The following RBMS3 variants were observed in gnomAD, a reference collection of about 807,000 sequenced individuals.
RBMS3 encodes the protein RNA-binding motif, single-stranded-interacting protein 3.
Under a neutral mutation model 66.8 loss-of-function variants are expected in RBMS3, and 27 were observed. That is an observed-to-expected ratio of 0.40 (90% CI 0.30 to 0.56). The LOEUF is 0.56. Among genes scored for constraint, RBMS3 ranks in the 20% least tolerant of loss-of-function variants. RBMS3 has a pLI of 0.40. For missense variants in RBMS3, 513 were observed against 549.5 expected (o/e 0.93, Z 0.66); for synonymous variants, 188 against 183.0 (o/e 1.03, Z -0.22).
At chr3:29,815,580 T>C (rs1160587586) in intron 6 of RBMS3, among the ~76,000 whole-genome samples, 1 of 152,124 alleles carries the variant, frequency 6.6e-6, no homozygotes, top group Admixed American at 6.6e-5. Context: ...GTGGTATATA[T>C]ACACCATGGA....
intron 1 of RBMS3, among the ~76,000 whole-genome samples, chr3:29,408,166 G>T (rs2040106880): frequency 6.6e-6 from 1 of 151,120 alleles, no homozygotes; most frequent in Non-Finnish European, 1.5e-5. Context: ...CAGCTACTTG[G>T]GAGGCTGAGG....
At chr3:29,501,244 T>C (rs1239799389) in intron 3 of RBMS3, among the ~76,000 whole-genome samples, 4 of 152,220 alleles carry the variant, frequency 2.6e-5, no homozygotes, top group Admixed American at 2.6e-4. Context: ...ATTTGCCACA[T>C]ATTATGTCTT....
chr3:29,902,279 G>C (rs1399298422), intron 10 of RBMS3, among the ~76,000 whole-genome samples: 4 of 151,790 alleles, frequency 2.6e-5, no homozygotes, highest in Non-Finnish European at 5.9e-5. Context: ...TTCTGGAAAA[G>C]AGCACTCAAT....
chr3:30,003,628 T>G (rs2125406541), intron 14 of RBMS3, among the ~76,000 whole-genome samples: 1 of 152,074 alleles, frequency 6.6e-6, no homozygotes, highest in Non-Finnish European at 1.5e-5. Context: ...CATAAGCTAT[T>G]ACCCTTGATT....
intron 6 of RBMS3, among the ~76,000 whole-genome samples, chr3:29,834,410 C>A (rs1315754104): frequency 1.3e-5 from 2 of 151,706 alleles, no homozygotes; most frequent in Non-Finnish European, 2.9e-5. Flanking sequence ...AATAGATGAA[C>A]AATATAAAAT....
At chr3:29,426,488 A>G (rs2040965200) in intron 1 of RBMS3, among the ~76,000 whole-genome samples, 1 of 152,230 alleles carries the variant, frequency 6.6e-6, no homozygotes, top group African/African-American at 2.4e-5. Context: ...GCACAGAGCA[A>G]TGTGTGATTA....
chr3:29,309,131 C>A lies in RBMS3; in HGVS notation c.75+27375C>A, dbSNP rs576549093. Among the ~76,000 whole-genome samples, 429 of 151,732 alleles carry A rather than the reference C, an allele frequency of 2.8e-3. 2 individuals carry two copies. Among genetic ancestry groups the A allele is most frequent in the African/African-American group, 9.8e-3 (408 of 41,458 alleles). ...GCAGAGGTTGACCAGTACTTTGATT[C>A]ATGGGCATGAAGGATACAGAGCTTT... On this transcript the variant is annotated intron_variant, in intron 1 of 14. Coordinates refer to ENST00000383767, the MANE Select transcript of RBMS3 (RefSeq NM_001003793.3).
chr3:29,888,677 A>C (rs1480680397), intron 8 of RBMS3, among the ~76,000 whole-genome samples: 1 of 151,758 alleles, frequency 6.6e-6, no homozygotes, highest in Non-Finnish European at 1.5e-5. Context: ...CATTATCCTC[A>C]TCAATATTTT....
At chr3:29,322,673 A>G (rs1271237991) in intron 1 of RBMS3, among the ~76,000 whole-genome samples, 1 of 152,040 alleles carries the variant, frequency 6.6e-6, no homozygotes, top group Admixed American at 6.6e-5. Flanking sequence ...TATTTCAGGA[A>G]AGATGGCATA....
At chr3:29,809,338 GAAA>G (rs5847597) in intron 6 of RBMS3, among the ~76,000 whole-genome samples, 1 of 146,344 alleles carries the variant, frequency 6.8e-6, no homozygotes. Flanking sequence ...TGATCAGTGG[GAAA>G]AAAAAAAAAA....
At chr3:29,775,015 CCT>C (rs1453275563) in intron 6 of RBMS3, among the ~76,000 whole-genome samples, 1 of 150,874 alleles carries the variant, frequency 6.6e-6, no homozygotes, top group Admixed American at 6.6e-5. Context: ...GTAAAGAGGC[CCT>C]GAGACAAAAA....
rs1553628813 is a variant in RBMS3, at chr3:29,298,607, T to TTC, written c.75+16851_75+16852insTC. On this transcript the variant is annotated intron_variant, in intron 1 of 14. Coordinates refer to ENST00000383767, the MANE Select transcript of RBMS3 (RefSeq NM_001003793.3). ...CTCAAGGTGTTTGGCATTTTTTTTT[T>TTC]CCGGGAAATATTTGGTTTCTTTTTG... 9.5e-3 allele frequency among the ~76,000 whole-genome samples: 1,439 copies of TTC among 151,760 alleles called. 31 individuals carry two copies. Among genetic ancestry groups the TTC allele is most frequent in the African/African-American group, 0.033 (1,365 of 41,450 alleles).
intron 4 of RBMS3, among the ~76,000 whole-genome samples, chr3:29,680,617 T>C (rs962920414): frequency 2.0e-5 from 3 of 152,336 alleles, no homozygotes; most frequent in African/African-American, 7.2e-5. Flanking sequence ...CCTAACATTT[T>C]ATTATAAAAT....
intron 2 of RBMS3, among the ~76,000 whole-genome samples, chr3:29,457,810 C>A (rs1159613876): frequency 6.7e-6 from 1 of 149,440 alleles, no homozygotes; most frequent in Non-Finnish European, 1.5e-5. Flanking sequence ...TTAGCTCTTA[C>A]CATTTCTCAA....
intron 5 of RBMS3, among the ~76,000 whole-genome samples, chr3:29,742,864 CA>C (rs1234206606): frequency 1.6e-4 from 24 of 152,174 alleles, no homozygotes; most frequent in Admixed American, 1.6e-3. Context: ...TTAGCAGTCA[CA>C]TTCCAATTCT....
intron 4 of RBMS3, among the ~76,000 whole-genome samples, chr3:29,675,369 A>T (rs2051199738): frequency 6.6e-6 from 1 of 152,222 alleles, no homozygotes; most frequent in Non-Finnish European, 1.5e-5. Flanking sequence ...GGCATGGGCA[A>T]GGACTTCATG....
At chr3:29,773,377 A>G (rs2056291785) in intron 6 of RBMS3, among the ~76,000 whole-genome samples, 2 of 152,006 alleles carry the variant, frequency 1.3e-5, no homozygotes. Flanking sequence ...AATTAAGTGC[A>G]TTTTCAAAAA....
intron 5 of RBMS3, among the ~76,000 whole-genome samples, chr3:29,754,260 G>T (rs1035567535): frequency 6.6e-6 from 1 of 152,160 alleles, no homozygotes; most frequent in East Asian, 1.9e-4. Flanking sequence ...GCTAAAAGAT[G>T]GGAAAACTCT....
At chr3:29,752,194 G>T (rs1052702613) in intron 5 of RBMS3, among the ~76,000 whole-genome samples, 1 of 152,180 alleles carries the variant, frequency 6.6e-6, no homozygotes, top group African/African-American at 2.4e-5. Flanking sequence ...TTCCCCTGGA[G>T]TTGGGCCATC....
Sources: gnomAD v4.1 joint callset for allele counts (sites outside exome capture counted in the v4.1 genomes callset) on GRCh38, gnomAD v4.1.1 for gene constraint, MANE v1.5 for transcripts, NCBI Gene and HGNC (gene_info 2026-07-23, HGNC 2026-07-21) for gene names.